Variants in PLXDC2 observed in about 807,000 individuals in gnomAD.
PLXDC2 encodes the protein plexin domain containing 2, also known as plexin domain-containing protein 2.
PLXDC2 carries 40 observed loss-of-function variants against 68.9 expected under a neutral mutation model. The ratio of observed to expected loss-of-function variants is 0.58; its 90% CI spans 0.45 to 0.76. PLXDC2 has a LOEUF of 0.76. PLXDC2 is among the 30% of genes least tolerant of loss of function. The pLI, the probability that PLXDC2 is intolerant of heterozygous loss-of-function variation, is 0.00. For synonymous variants in PLXDC2, 243 were observed against 234.2 expected (o/e 1.04, Z -0.34); for missense variants, 644 against 661.9 (o/e 0.97, Z 0.30).
chr10:20,071,764 A>C (rs1212693517), intron 4 of PLXDC2, among the ~76,000 whole-genome samples: 1 of 152,152 alleles, frequency 6.6e-6, no homozygotes, highest in African/African-American at 2.4e-5. Context: ...AGCTTGCTGA[A>C]AAAGGAGATC....
chr10:19,994,824 C>A (rs1653188727), intron 1 of PLXDC2, among the ~76,000 whole-genome samples: 1 of 151,796 alleles, frequency 6.6e-6, no homozygotes, highest in African/African-American at 2.4e-5. Flanking sequence ...CTCACTGCAA[C>A]CTCCGCTTCC....
chr10:19,827,258 C>CTGATAA (rs1836589877), intron 1 of PLXDC2, among the ~76,000 whole-genome samples: 1 of 152,214 alleles, frequency 6.6e-6, no homozygotes, highest in South Asian at 2.1e-4. Context: ...GATACACAGT[C>CTGATAA]TTAATTACTG....
chr10:20,251,282 T>A (rs977397810), intron 13 of PLXDC2, among the ~76,000 whole-genome samples: 1 of 152,234 alleles, frequency 6.6e-6, no homozygotes, highest in African/African-American at 2.4e-5. Context: ...GGTTGTCTGA[T>A]TTTGGTGAAA....
chr10:20,213,061 A>G (rs1835090031), intron 10 of PLXDC2, among the ~76,000 whole-genome samples: 1 of 152,078 alleles, frequency 6.6e-6, no homozygotes, highest in Non-Finnish European at 1.5e-5. Context: ...AATCTGTCAA[A>G]TGTATGAATC....
intron 13 of PLXDC2, among the ~76,000 whole-genome samples, chr10:20,261,584 G>A (rs193206717): frequency 1.4e-4 from 21 of 152,330 alleles, no homozygotes; most frequent in South Asian, 1.2e-3. Context: ...GCCGGGGGTA[G>A]TGGCTCATGC....
Position 20,289,696 on chromosome 10 carries a change from T to C in PLXDC2, c.*9877T>C, listed in dbSNP as rs1396138512. On this transcript the variant is annotated 3_prime_UTR_variant, in exon 14 of 14. Transcript: ENST00000377252. The stretch of plus-strand genomic sequence containing the variant: ...ACCCATGCCCAAGAAGCACACACAA[T>C]GACTGGAGCTGTCGGGAATTCCTGT... The C allele has an allele frequency of 6.6e-6, 1 of 152,246 alleles. No homozygotes were observed. Among genetic ancestry groups the C allele is most frequent in the Non-Finnish European group, 1.5e-5 (1 of 68,066 alleles). The allele number at this position is 152,246 out of a possible 1,614,324, so 9.4% of individuals were successfully genotyped here.
rs375439950 is a variant in PLXDC2 at position 19,895,773 on chromosome 10, G to T, written c.112+78582G>T. ...TCTGCCCTTGAAAAATCATGCTAAG[G>T]GCTGGGCATGGTGGCTCGTGCCTGT... On this transcript the variant is annotated intron_variant, in intron 1 of 13. Transcript: ENST00000377252. Among the ~76,000 whole-genome samples, 148 of 152,106 alleles carry T rather than the reference G, an allele frequency of 9.7e-4. 2 individuals are homozygous for T. In the South Asian group the frequency reaches 0.029, roughly 30 times the overall value.
chr10:20,096,339 C>CTA (rs1443965547), intron 4 of PLXDC2, among the ~76,000 whole-genome samples: 1 of 151,854 alleles, frequency 6.6e-6, no homozygotes, highest in Non-Finnish European at 1.5e-5. Flanking sequence ...ATAATAAAAT[C>CTA]ACGCTGAAAG....
chr10:19,845,256 G>A (rs143672525), intron 1 of PLXDC2, among the ~76,000 whole-genome samples: 199 of 152,258 alleles, frequency 1.3e-3, no homozygotes, highest in African/African-American at 4.2e-3. Flanking sequence ...TGTAATAAAC[G>A]TGTAGGATTT....
intron 1 of PLXDC2, among the ~76,000 whole-genome samples, chr10:19,832,614 A>G (rs1267877221): frequency 6.6e-6 from 1 of 152,214 alleles, no homozygotes; most frequent in Non-Finnish European, 1.5e-5. Context: ...CTTCAGTTGG[A>G]AGATGTTTCT....
Position 19,868,773 on chromosome 10 carries a change from C to T in PLXDC2, c.112+51582C>T, listed in dbSNP as rs534268397. On this transcript the variant is annotated intron_variant, in intron 1 of 13. Coordinates refer to ENST00000377252, the MANE Select transcript of PLXDC2 (RefSeq NM_032812.9). ...TACTCTATCAGCATATACTTTTTGA[C>T]CTTGACACTTTATTCTTCTTTAAAT... Among the ~76,000 whole-genome samples the T allele has an allele frequency of 3.3e-5, 5 of 152,212 alleles. No individual in the cohort carries two copies. In the East Asian group the frequency reaches 9.6e-4, roughly 29 times the overall value.
intron 1 of PLXDC2, among the ~76,000 whole-genome samples, chr10:19,963,401 T>C (rs532510635): frequency 6.6e-6 from 1 of 152,330 alleles, no homozygotes; most frequent in South Asian, 2.1e-4. Flanking sequence ...ATCCAGTCTA[T>C]CATTGTTGGA....
chr10:20,024,473 T>G lies in PLXDC2; in HGVS notation c.325-22396T>G, dbSNP rs117127350. Among the ~76,000 whole-genome samples the G allele has an allele frequency of 3.0e-4, 45 of 152,366 alleles. No homozygotes were observed. In the East Asian group the frequency reaches 7.9e-3, roughly 27 times the overall value. On this transcript the variant is annotated intron_variant, in intron 2 of 13. Coordinates refer to ENST00000377252, the MANE Select transcript of PLXDC2 (RefSeq NM_032812.9). ...TTTGGTCTCCAATTGAACATACGAA[T>G]TCTTCTCATTATTGTCTTTCCCCAT...
chr10:20,060,462 A>C (rs1338716496), intron 3 of PLXDC2, among the ~76,000 whole-genome samples: 2 of 151,224 alleles, frequency 1.3e-5, no homozygotes, highest in African/African-American at 4.9e-5. Context: ...GAGGGTAAGA[A>C]ATGAAAACAT....
chr10:20,011,967 A>G (rs1835121704), intron 2 of PLXDC2, among the ~76,000 whole-genome samples: 1 of 152,204 alleles, frequency 6.6e-6, no homozygotes, highest in East Asian at 1.9e-4. Flanking sequence ...ATGAAGGATG[A>G]TAGTGTCTGA....
intron 2 of PLXDC2, among the ~76,000 whole-genome samples, chr10:20,046,429 A>G (rs1334871887): frequency 6.6e-6 from 1 of 152,142 alleles, no homozygotes; most frequent in African/African-American, 2.4e-5. Context: ...CATTTGGATC[A>G]TAGTATTTCT....
intron 1 of PLXDC2, among the ~76,000 whole-genome samples, chr10:19,991,123 G>A (rs994877389): frequency 6.6e-6 from 1 of 151,994 alleles, no homozygotes; most frequent in Non-Finnish European, 1.5e-5. Flanking sequence ...GCACGTGCCT[G>A]TAATCCCAGC....
chr10:19,912,894 G>A (rs1833299873), intron 1 of PLXDC2, among the ~76,000 whole-genome samples: 1 of 152,046 alleles, frequency 6.6e-6, no homozygotes, highest in African/African-American at 2.4e-5. Context: ...ACTGTATAGT[G>A]CAGAAAACCA....
At chr10:20,255,878 G>A (rs1248277900) in intron 13 of PLXDC2, among the ~76,000 whole-genome samples, 1 of 151,984 alleles carries the variant, frequency 6.6e-6, no homozygotes, top group East Asian at 1.9e-4. Context: ...ATATGATCTT[G>A]TGGTAATCCC....
Sources: gnomAD v4.1 joint callset for allele counts (sites outside exome capture counted in the v4.1 genomes callset) on GRCh38, gnomAD v4.1.1 for gene constraint, MANE v1.5 for transcripts, NCBI Gene and HGNC (gene_info 2026-07-23, HGNC 2026-07-21) for gene names.